The following PYGB variants were observed in gnomAD, a reference collection of about 807,000 sequenced individuals.
The protein encoded by PYGB is glycogen phosphorylase B.
PYGB carries 82 observed loss-of-function variants against 94.3 expected under a neutral mutation model. The observed-to-expected ratio is 0.87, with a 90% CI of 0.73 to 1.04. The LOEUF (loss-of-function observed/expected upper bound fraction) is 1.04. Ranked by LOEUF, PYGB falls within the 50% of genes least tolerant of loss-of-function variation. The probability of loss-of-function intolerance (pLI) is 0.00; values close to 1 mark genes in which losing one functional copy is unlikely to be tolerated. For synonymous variants in PYGB, 488 were observed against 479.1 expected (o/e 1.02, Z -0.24); for missense variants, 1,132 against 1,158.2 (o/e 0.98, Z 0.33).
At chr20:25,275,749 G>A (rs939278104) in intron 5 of PYGB, among the ~76,000 whole-genome samples, 4 of 152,360 alleles carry the variant, frequency 2.6e-5, no homozygotes, top group South Asian at 2.1e-4. Context: ...GCTTAGCCCC[G>A]AGGCCTGGCC....
chr20:25,290,043 G>T (rs534141232), intron 15 of PYGB: 4 of 460,762 alleles, frequency 8.7e-6, no homozygotes, highest in African/African-American at 7.9e-5. Context: ...TGGTGTCTCA[G>T]TTCTCTGTAG....
chr20:25,248,164 G>T lies in PYGB; in HGVS notation c.-15G>T. The stretch of plus-strand genomic sequence containing the variant: ...TTTCCTCCTCCATCTCTTTTCCTCC[G>T]CCTCCGCCGGCGCGATGGCGAAGCC... On this transcript the variant is annotated 5_prime_UTR_variant, in exon 1 of 20. Coordinates refer to ENST00000216962, the MANE Select transcript of PYGB (RefSeq NM_002862.4). The T allele has an allele frequency of 1.3e-6, 2 of 1,581,786 alleles. No individual in the cohort carries two copies. Among genetic ancestry groups the T allele is most frequent in the Non-Finnish European group, 8.6e-7 (1 of 1,164,566 alleles).
In PYGB at chr20:25,280,212, C is replaced by T. The variant is rs1022626607; in HGVS notation, c.1093-54C>T. ...CGCTCACCCTGCCTAGGCAACTGGC[C>T]AGAGAGCTGCTTGTTTCTAAACAAA... On this transcript the variant is annotated intron_variant, in intron 9 of 19. Coordinates refer to ENST00000216962, the MANE Select transcript of PYGB (RefSeq NM_002862.4). The T allele has an allele frequency of 5.6e-6, 9 of 1,593,740 alleles. 1 individual carries two copies. The highest frequency in any genetic ancestry group is 1.7e-4 in the Middle Eastern group (1 of 6,006).
rs200006792 is a variant in PYGB, at chr20:25,296,515, G to A, written c.2525G>A (p.Arg842Gln). ...DLQIPPPNIPRD is the reference protein window; with the variant it reads ...DLQIPPPNIPQD The stretch of plus-strand genomic sequence containing the variant: ...CAGATCCCGCCCCCCAACATCCCCC[G>A]GGACTAGGCACACCCTGCCTTGGCG... The change falls in exon 20 of 20, where the codon CGG (arginine) becomes CAG (glutamine). Residue 842 changes from arginine (R) to glutamine (Q), a missense_variant. Physicochemically the swap from Arg to Gln is conservative, Grantham distance 43. Coordinates refer to ENST00000216962, the MANE Select transcript of PYGB (RefSeq NM_002862.4). 46 of 1,612,732 alleles carry A rather than the reference G, an allele frequency of 2.9e-5. No homozygotes were observed. The highest frequency in any genetic ancestry group is 1.1e-4 in the East Asian group (5 of 44,850).
At chr20:25,250,308 T>C (rs915806170) in intron 1 of PYGB, among the ~76,000 whole-genome samples, 5 of 152,214 alleles carry the variant, frequency 3.3e-5, no homozygotes, top group African/African-American at 1.2e-4. Context: ...AGGCCAGCGA[T>C]GGGCTCAGGG....
chr20:25,286,665 G>A (rs910997), intron 14 of PYGB, among the ~76,000 whole-genome samples: 68,441 of 152,032 alleles, frequency 0.45, 16,019 homozygotes, highest in East Asian at 0.92. Flanking sequence ...CTGTCTCTCC[G>A]GGTCTCACCT....
rs200334173 is a variant in PYGB, at chr20:25,248,901, T to TTG, written c.243+484_243+485dup. 4.8e-3 allele frequency among the ~76,000 whole-genome samples: 738 copies of TTG among 152,278 alleles called. 3 individuals carry two copies. Among genetic ancestry groups the TTG allele is most frequent in the African/African-American group, 0.017 (703 of 41,504 alleles). ...CTGCAGGGAATTGTGAGACTTTTTT[T>TTG]TGTGTACGCTGCTTAGAAGAAAATC... On this transcript the variant is annotated intron_variant, in intron 1 of 19. Transcript: ENST00000216962.
intron 15 of PYGB, chr20:25,289,729 C>G: frequency 2.3e-6 from 1 of 444,134 alleles, no homozygotes; most frequent in East Asian, 6.2e-5. Context: ...AACCTGTCAC[C>G]CAGACTAGCT....
At chr20:25,261,294 C>G (rs546481956) in intron 2 of PYGB, among the ~76,000 whole-genome samples, 3 of 152,194 alleles carry the variant, frequency 2.0e-5, no homozygotes, top group Non-Finnish European at 2.9e-5. Context: ...TCCAGAGGAA[C>G]GATCAGGCAG....
In PYGB at chr20:25,284,109, C is replaced by T. The variant is rs746668649; in HGVS notation, c.1626C>T (p.Asn542=). The T allele has an allele frequency of 6.2e-7, 1 of 1,613,844 alleles. No individual in the cohort carries two copies. The stretch of plus-strand genomic sequence containing the variant: ...TTTCCCTTTCACCCTCCCAGGAGAA[C>T]AAGCTCAAGTTCTCGGCCTTCCTGG... ...IRDVAKVKQE[N]KLKFSAFLEK... Residue 542 remains asparagine (N), a synonymous_variant, in exon 14 of 20, where the codon AAC becomes AAT. Coordinates refer to ENST00000216962, the MANE Select transcript of PYGB (RefSeq NM_002862.4).
intron 4 of PYGB, among the ~76,000 whole-genome samples, chr20:25,272,187 T>C (rs2088273804): frequency 6.6e-6 from 1 of 152,248 alleles, no homozygotes. Flanking sequence ...AAATGGTTTA[T>C]TTAATATCAT....
chr20:25,288,516 T>C, intron 15 of PYGB, 33 bp downstream of exon 15: 1 of 1,608,766 alleles, frequency 6.2e-7, no homozygotes, highest in Non-Finnish European at 8.5e-7. Context: ...CTCTCTGTGG[T>C]GTTTGGTCTG....
chr20:25,276,121 G>T (rs1214556495), intron 5 of PYGB, among the ~76,000 whole-genome samples: 2 of 152,162 alleles, frequency 1.3e-5, no homozygotes, highest in African/African-American at 2.4e-5. Context: ...GGTGGAGGGA[G>T]CGCAGCTGGG....
intron 1 of PYGB, among the ~76,000 whole-genome samples, chr20:25,252,725 C>T (rs902115596): frequency 2.6e-5 from 4 of 152,252 alleles, no homozygotes; most frequent in Admixed American, 6.5e-5. Flanking sequence ...ACTGTCCCAG[C>T]ACCTCCAGGA....
intron 4 of PYGB, among the ~76,000 whole-genome samples, chr20:25,273,925 G>A (rs1300119470): frequency 6.6e-6 from 1 of 152,160 alleles, no homozygotes; most frequent in Non-Finnish European, 1.5e-5. Context: ...ATAGCTCACT[G>A]CAGCTTCGAC....
chr20:25,292,314 G>T (rs116321192), intron 16 of PYGB, 92 bp from the exon 17 acceptor site: 1 of 1,442,934 alleles, frequency 6.9e-7, no homozygotes. Context: ...ACCCAGCCCC[G>T]GGTGGATGGG....
intron 14 of PYGB, chr20:25,285,113 G>A (rs1407687050): frequency 2.0e-5 from 3 of 152,218 alleles, no homozygotes; most frequent in Non-Finnish European, 4.4e-5. Flanking sequence ...GGATCTGGGT[G>A]CGTTTGAGAC....
intron 4 of PYGB, among the ~76,000 whole-genome samples, chr20:25,272,092 T>G (rs2088273037): frequency 6.6e-6 from 1 of 152,168 alleles, no homozygotes; most frequent in African/African-American, 2.4e-5. Context: ...GGCGTGGTCT[T>G]AAAATGCAAC....
chr20:25,294,878 C>A, intron 18 of PYGB: 1 of 1,416,602 alleles, frequency 7.1e-7, no homozygotes, highest in Non-Finnish European at 1.0e-6. Flanking sequence ...CCGGCGAGGG[C>A]TGGGAATTCA....
Sources: gnomAD v4.1 joint callset for allele counts (sites outside exome capture counted in the v4.1 genomes callset) on GRCh38, gnomAD v4.1.1 for gene constraint, MANE v1.5 for transcripts, NCBI Gene and HGNC (gene_info 2026-07-23, HGNC 2026-07-21) for gene names.